NIM1K: variants seen among roughly 807,000 people sequenced by gnomAD.
NIM1K encodes NIM1 serine/threonine protein kinase, also known as serine/threonine-protein kinase NIM1.
In NIM1K, 35 loss-of-function variants were observed where a neutral mutation model predicts 37.1. That is an observed-to-expected ratio of 0.94 (90% CI 0.72 to 1.25). The LOEUF is 1.25. Ranked by LOEUF, NIM1K falls within the 50% of genes most tolerant of loss-of-function variation. The pLI, the probability that NIM1K is intolerant of heterozygous loss-of-function variation, is 0.00. For synonymous variants in NIM1K, 234 were observed against 206.6 expected, an observed-to-expected ratio of 1.13 and a Z score of -1.14; for missense variants, 564 against 548.0, an observed-to-expected ratio of 1.03 and a Z score of -0.29.
chr5:43,276,802 C>G (rs1464442843), intron 2 of NIM1K, among the ~76,000 whole-genome samples: 3 of 152,200 alleles, frequency 2.0e-5, no homozygotes, highest in African/African-American at 7.2e-5. Flanking sequence ...AGCAAAGGAG[C>G]TCTAGCTTTA....
At chr5:43,272,246 T>C (rs1753268782) in intron 2 of NIM1K, among the ~76,000 whole-genome samples, 1 of 152,144 alleles carries the variant, frequency 6.6e-6, no homozygotes, top group Admixed American at 6.6e-5. Flanking sequence ...CCATCCCTAC[T>C]TTTAGAACCT....
At chr5:43,275,868 T>C (rs1753330840) in intron 2 of NIM1K, among the ~76,000 whole-genome samples, 1 of 152,080 alleles carries the variant, frequency 6.6e-6, no homozygotes, top group Admixed American at 6.6e-5. Flanking sequence ...TTCTCGCATT[T>C]CTATAAAGAA....
intron 1 of NIM1K, among the ~76,000 whole-genome samples, chr5:43,236,960 G>C (rs573854465): frequency 6.0e-4 from 91 of 152,312 alleles, no homozygotes; most frequent in Non-Finnish European, 1.2e-3. Context: ...GAGAAATAAA[G>C]AGCTGAGCTA....
chr5:43,213,201 CTTTCTTTCTTTCTTTCTTTCTTTCCTT>C (rs1752236207), intron 1 of NIM1K, among the ~76,000 whole-genome samples: 1 of 50,996 alleles, frequency 2.0e-5, no homozygotes, highest in Non-Finnish European at 5.1e-5. Context: ...TTCTTTCTTT[CTTTCTTTCTTTCTTTCTTTCTTTCCTT>C]CTTTTCTTCC....
In NIM1K at chr5:43,280,277, A is replaced by G; in HGVS notation, c.859A>G (p.Thr287Ala). Residue 287 changes from threonine (T) to alanine (A), a missense_variant, in exon 4 of 4, where the codon ACA (threonine) becomes GCA (alanine). Transcript: ENST00000326035. The part of the protein sequence containing the change: ...AKLKKSILEG[T>A]YSVPPHVSEP... ...ACTAAAAAAGAGCATCCTCGAGGGC[A>G]CATACAGTGTACCGCCGCACGTGTC... is the stretch of plus-strand genomic sequence containing the variant. The G allele has an allele frequency of 6.2e-7, 1 of 1,614,192 alleles. No homozygotes were observed.
Position 43,267,414 on chromosome 5 carries a change from T to G in NIM1K, c.293-9643T>G, listed in dbSNP as rs182134372. Among the ~76,000 whole-genome samples, 9 of 152,336 alleles carry G rather than the reference T, an allele frequency of 5.9e-5. No homozygotes were observed. In the East Asian group the frequency reaches 1.3e-3, roughly 23 times the overall value. ...TCTTTTCAAAGAACCAACTTTTTGT[T>G]TTACTAACCTTGTGTAATATTTTTG... On this transcript the variant is annotated intron_variant, in intron 2 of 3. Transcript: ENST00000326035.
rs1177162322 is a variant in NIM1K at position 43,246,082 on chromosome 5, C to T, written c.292+15C>T. The T allele has an allele frequency of 6.3e-7, 1 of 1,594,182 alleles. No homozygotes were observed. The highest frequency in any genetic ancestry group is 1.3e-5 in the African/African-American group (1 of 74,642). On this transcript the variant is annotated intron_variant, in intron 2 of 3. Coordinates refer to ENST00000326035, the MANE Select transcript of NIM1K (RefSeq NM_153361.4). ...CCTAACCAAAGGTAGGATCCGACTT[C>T]CCAAGGGTCATCCCTGGCAGTATTG... is the stretch of plus-strand genomic sequence containing the variant.
intron 2 of NIM1K, among the ~76,000 whole-genome samples, chr5:43,274,046 A>G (rs1445702147): frequency 6.6e-6 from 1 of 152,148 alleles, no homozygotes; most frequent in Non-Finnish European, 1.5e-5. Context: ...CAGGGCTTCT[A>G]AAGTGTTTAG....
At chr5:43,238,780 A>T (rs1752656098) in intron 1 of NIM1K, among the ~76,000 whole-genome samples, 1 of 151,716 alleles carries the variant, frequency 6.6e-6, no homozygotes, top group African/African-American at 2.4e-5. Flanking sequence ...AGGAGTAGCC[A>T]ACCTCGAGGT....
At chr5:43,252,567 A>G (rs1752880601) in intron 2 of NIM1K, among the ~76,000 whole-genome samples, 1 of 10,732 alleles carries the variant, frequency 9.3e-5, no homozygotes, top group African/African-American at 1.9e-4. Context: ...CAGTAGTCTA[A>G]AAAATTGAAA....
chr5:43,199,503 C>A (rs958837077), intron 1 of NIM1K, among the ~76,000 whole-genome samples: 10 of 151,872 alleles, frequency 6.6e-5, no homozygotes, highest in Admixed American at 5.9e-4. Flanking sequence ...CATCCTTTTG[C>A]CCTCATATTT....
Position 43,206,800 on chromosome 5 carries a change from A to C in NIM1K, c.-695+14389A>C, listed in dbSNP as rs1752120142. On this transcript the variant is annotated intron_variant, in intron 1 of 3. Transcript: ENST00000326035. ...AAAGGCCTCCAGTCCATTTTCCAGG[A>C]TCAGGGGATGGTGGAGTTGGTGCAC... 5 of 768,360 alleles carry C rather than the reference A, an allele frequency of 6.5e-6. No homozygotes were observed. The South Asian group carries it at 6.7e-5, about 10-fold the overall frequency. 47.6% of individuals were successfully genotyped at this position (768,360 alleles called of 1,614,324 possible).
chr5:43,266,612 G>A (rs1428188795), intron 2 of NIM1K, among the ~76,000 whole-genome samples: 2 of 152,180 alleles, frequency 1.3e-5, no homozygotes, highest in Non-Finnish European at 2.9e-5. Flanking sequence ...ACACTTCGTG[G>A]GCTGCACCCA....
intron 1 of NIM1K, among the ~76,000 whole-genome samples, chr5:43,236,404 C>T (rs1460100905): frequency 6.6e-6 from 1 of 151,974 alleles, no homozygotes. Flanking sequence ...TTTCTTGAGG[C>T]CAAGAGTTCA....
chr5:43,231,708 G>A, intron 1 of NIM1K: 4 of 626,378 alleles, frequency 6.4e-6, no homozygotes, highest in Non-Finnish European at 1.1e-5. Context: ...GTATATTAGA[G>A]CATACACTGC....
chr5:43,213,424 G>A (rs1752249970), intron 1 of NIM1K, among the ~76,000 whole-genome samples: 1 of 151,466 alleles, frequency 6.6e-6, no homozygotes, highest in South Asian at 2.1e-4. Context: ...CCACCTCCCA[G>A]GTTCAAGTGA....
intron 1 of NIM1K, chr5:43,240,472 C>T (rs1188804187): frequency 6.6e-6 from 1 of 151,804 alleles, no homozygotes; most frequent in Non-Finnish European, 1.5e-5. Context: ...CACTCCATTC[C>T]CCTGTCCAAC....
chr5:43,205,462 G>A (rs1278956515), intron 1 of NIM1K, among the ~76,000 whole-genome samples: 1 of 152,106 alleles, frequency 6.6e-6, no homozygotes, highest in Admixed American at 6.6e-5. Flanking sequence ...TAAAACAATG[G>A]CTACTTCCAT....
At chr5:43,250,287 A>G (rs1024108731) in intron 2 of NIM1K, among the ~76,000 whole-genome samples, 2 of 152,156 alleles carry the variant, frequency 1.3e-5, no homozygotes, top group Non-Finnish European at 2.9e-5. Context: ...TTTATTATCT[A>G]TACTCTCATC....
Sources: allele counts gnomAD v4.1 joint callset (sites outside exome capture counted in the v4.1 genomes callset), GRCh38; gene constraint gnomAD v4.1.1; transcripts MANE v1.5; gene names NCBI Gene and HGNC (gene_info 2026-07-23, HGNC 2026-07-21).